Variants in ACAT1 observed in about 807,000 individuals in gnomAD.
The protein encoded by ACAT1 is acetyl-CoA acetyltransferase 1, also known as acetyl-CoA acetyltransferase, mitochondrial.
Under a neutral mutation model 47.3 loss-of-function variants are expected in ACAT1, and 28 were observed. The observed-to-expected ratio is 0.59, with a 90% confidence interval of 0.44 to 0.81. The LOEUF (loss-of-function observed/expected upper bound fraction) is 0.81, where lower values mean the gene tolerates loss of function less well. Among genes scored for constraint, ACAT1 ranks in the 30% least tolerant of loss-of-function variants. The probability of loss-of-function intolerance (pLI) is 0.00; values close to 1 mark genes in which losing one functional copy is unlikely to be tolerated. For synonymous variants in ACAT1, 181 were observed against 173.6 expected (o/e 1.04, Z -0.34); for missense variants, 469 against 524.3 (o/e 0.89, Z 1.03).
At chr11:108,118,621 T>TG (rs977609677), upstream of ACAT1, among the ~76,000 whole-genome samples, 3 of 152,154 alleles carry the variant, frequency 2.0e-5, no homozygotes, top group African/African-American at 7.2e-5. Flanking sequence ...CCGCCTGCCT[T>TG]GGCCTCCTAA....
At chr11:108,117,080 G>T (rs933222376), upstream of ACAT1, among the ~76,000 whole-genome samples, 1 of 152,080 alleles carries the variant, frequency 6.6e-6, no homozygotes, top group Non-Finnish European at 1.5e-5. Flanking sequence ...GAAGAAGTTT[G>T]AGGCACATGA....
intron 9 of ACAT1, 133 bp from the exon 10 acceptor site, chr11:108,143,850 A>T: frequency 1.3e-6 from 1 of 793,938 alleles, no homozygotes; most frequent in Non-Finnish European, 1.8e-6. Context: ...ATCCTAGAAA[A>T]GGAAGACATA....
rs775668624 is a variant in ACAT1, at chr11:108,121,628, C to A, written c.22C>A (p.Leu8Met). ...GACCATGGCTGTGCTGGCGGCACTT[C>A]TGCGCAGCGGCGCCCGCAGCCGCAG... is the stretch of plus-strand genomic sequence containing the variant. MAVLAAL[L>M]RSGARSRSPL... The change falls in exon 1 of 12, where the codon CTG (leucine) becomes ATG (methionine). Residue 8 changes from leucine (L) to methionine (M), a missense_variant. Physicochemically the swap from Leu to Met is conservative, Grantham distance 15. Transcript: ENST00000265838. The A allele has an allele frequency of 6.4e-7, 1 of 1,550,900 alleles. No homozygotes were observed. Among genetic ancestry groups the A allele is most frequent in the East Asian group, 2.4e-5 (1 of 41,092 alleles).
At chr11:108,121,218 TC>T, upstream of ACAT1, 1 of 254,534 alleles carries the variant, frequency 3.9e-6, no homozygotes, top group Non-Finnish European at 7.6e-6. Flanking sequence ...AAAAAAAAAA[TC>T]CTAAAATATT....
At chr11:108,120,616 G>A (rs1048170692), upstream of ACAT1, among the ~76,000 whole-genome samples, 1 of 152,190 alleles carries the variant, frequency 6.6e-6, no homozygotes, top group African/African-American at 2.4e-5. Flanking sequence ...TGTGGACCAT[G>A]AATTCAGACA....
At chr11:108,146,155 G>A (rs2077703403) in intron 10 of ACAT1, 47 bp from the exon 11 acceptor site, 1 of 1,453,718 alleles carries the variant, frequency 6.9e-7, no homozygotes, top group Non-Finnish European at 9.6e-7. Flanking sequence ...ACAGTAAGTT[G>A]TGATTGCTAA....
rs1401882647 is a variant in ACAT1, at chr11:108,138,954, CAG to C, written c.495_496del (p.Gly166IlefsTer10). 2 of 1,613,876 alleles carry C rather than the reference CAG, an allele frequency of 1.2e-6. No individual in the cohort carries two copies. Among genetic ancestry groups the C allele is most frequent in the African/African-American group, 2.7e-5 (2 of 74,856 alleles). ...TGTCCAATGTTCCATATGTAATGAA[CAG>C]AGGATCAACACCATATGGTGGGGTA... is the stretch of plus-strand genomic sequence containing the variant. ...SMSNVPYVMN[R>X]GSTPYGGVKL... On this transcript the variant is annotated frameshift_variant, in exon 6 of 12. Coordinates refer to ENST00000265838, the MANE Select transcript of ACAT1 (RefSeq NM_000019.4). LOFTEE classifies it high-confidence loss of function.
chr11:108,134,227 C>T lies in ACAT1; in HGVS notation c.245C>T (p.Pro82Leu). Residue 82 changes from proline to leucine, a missense_variant, in exon 4 of 12, where the codon CCA (proline) becomes CTA (leucine). By Grantham distance (98) the Pro-to-Leu change is moderately conservative (BLOSUM62 -3). Coordinates refer to ENST00000265838, the MANE Select transcript of ACAT1 (RefSeq NM_000019.4). The part of the protein sequence containing the change: ...IQGAIEKAGI[P>L]KEEVKEAYMG... ...TTTTTTTTTTTTAATAAAGGGATTC[C>T]AAAAGAAGAAGTGAAAGAAGCATAC... 6.2e-7 allele frequency: 1 copy of T among 1,606,868 alleles called. No individual in the cohort carries two copies. The highest frequency in any genetic ancestry group is 1.4e-5 in the African/African-American group (1 of 73,658).
intron 9 of ACAT1, chr11:108,143,066 A>G (rs1172781994): frequency 6.3e-6 from 1 of 157,502 alleles, no homozygotes; most frequent in African/African-American, 2.4e-5. Flanking sequence ...TAACCCCAGC[A>G]TTTTGGGAGG....
chr11:108,138,028 A>C (rs539044772), intron 5 of ACAT1, among the ~76,000 whole-genome samples: 12 of 151,822 alleles, frequency 7.9e-5, no homozygotes, highest in Admixed American at 7.9e-4. Context: ...TTGCTTTGTC[A>C]CCCAGGCTGA....
upstream of ACAT1, among the ~76,000 whole-genome samples, chr11:108,117,371 G>A (rs575757659): frequency 3.3e-5 from 5 of 150,790 alleles, no homozygotes; most frequent in South Asian, 1.0e-3. Context: ...ACAGTGGCAC[G>A]ATCTCGACTC....
chr11:108,116,960 C>G (rs1864962565), upstream of ACAT1, among the ~76,000 whole-genome samples: 1 of 152,138 alleles, frequency 6.6e-6, no homozygotes. Context: ...TTTGCTGCTG[C>G]AATCTTAGGA....
At chr11:108,126,536 A>G (rs1352447882) in intron 1 of ACAT1, among the ~76,000 whole-genome samples, 1 of 152,150 alleles carries the variant, frequency 6.6e-6, no homozygotes, top group Non-Finnish European at 1.5e-5. Context: ...ATATGATCTG[A>G]TTTACATTTT....
chr11:108,143,764 G>A (rs2077639573), intron 9 of ACAT1: 1 of 415,954 alleles, frequency 2.4e-6, no homozygotes, highest in African/African-American at 2.0e-5. Flanking sequence ...AATGTTCCTA[G>A]AGGCAAATAC....
At position 108,138,894 on chromosome 11, in the gene ACAT1, G is replaced by A. The variant is rs3741050; in HGVS notation, c.436-4G>A. 1,768 of 1,614,120 alleles carry A rather than the reference G, an allele frequency of 1.1e-3. 9 individuals are homozygous for A. In the East Asian group the frequency reaches 0.014, roughly 13 times the overall value. On this transcript the variant is annotated splice_polypyrimidine_tract_variant and splice_region_variant and intron_variant, in intron 5 of 11. Coordinates refer to ENST00000265838, the MANE Select transcript of ACAT1 (RefSeq NM_000019.4). The stretch of plus-strand genomic sequence containing the variant: ...CATTGGGTTTTTCTGGTGTTTCTGC[G>A]CAGGATGTGATGGTGGCAGGTGGGA...
intron 5 of ACAT1, 120 bp from the exon 6 acceptor site, chr11:108,138,778 G>GTGTAACA (rs2077521750): frequency 2.7e-6 from 3 of 1,125,256 alleles, no homozygotes. Flanking sequence ...TGTATTCACT[G>GTGTAACA]TGTAACAAAT....
At chr11:108,127,457 A>G (rs1378550399) in intron 1 of ACAT1, among the ~76,000 whole-genome samples, 1 of 151,784 alleles carries the variant, frequency 6.6e-6, no homozygotes, top group Non-Finnish European at 1.5e-5. Flanking sequence ...TTTAGTAGAT[A>G]TGGGGTTTCA....
At chr11:108,136,158 G>A in intron 5 of ACAT1, 2 of 615,254 alleles carry the variant, frequency 3.3e-6, no homozygotes, top group Non-Finnish European at 5.7e-6. Flanking sequence ...GATTCTCTCA[G>A]ATCTGAGCCC....
chr11:108,119,662 T>A (rs61913673), upstream of ACAT1, among the ~76,000 whole-genome samples: 3,804 of 79,172 alleles, frequency 0.048, 67 homozygotes, highest in Middle Eastern at 0.093. Flanking sequence ...TCTCTCTCTC[T>A]CACACACACA....
Sources: allele counts gnomAD v4.1 joint callset (sites outside exome capture counted in the v4.1 genomes callset), GRCh38; gene constraint gnomAD v4.1.1; transcripts MANE v1.5; gene names NCBI Gene and HGNC (gene_info 2026-07-23, HGNC 2026-07-21).